The following NTNG1 variants were observed in gnomAD, a reference collection of about 807,000 sequenced individuals.
The protein encoded by NTNG1 is netrin-G1.
Under a neutral mutation model 54.0 loss-of-function variants are expected in NTNG1, and 16 were observed. The ratio of observed to expected loss-of-function variants is 0.30; its 90% CI spans 0.20 to 0.45. NTNG1 has a LOEUF of 0.45. Among genes scored for constraint, NTNG1 ranks in the 20% least tolerant of loss-of-function variants. NTNG1 has a pLI of 1.00. For synonymous variants in NTNG1, 255 were observed against 263.1 expected, an observed-to-expected ratio of 0.97 and a Z score of 0.30; for missense variants, 530 against 678.7, an observed-to-expected ratio of 0.78 and a Z score of 2.43.
chr1:107,470,270 T>C (rs756121125), intron 7 of NTNG1, among the ~76,000 whole-genome samples: 1 of 152,244 alleles, frequency 6.6e-6, no homozygotes, highest in Non-Finnish European at 1.5e-5. Context: ...ATTACCTTTA[T>C]TATCTAAGTA....
At chr1:107,187,474 T>G (rs191941951) in intron 2 of NTNG1, among the ~76,000 whole-genome samples, 250 of 152,298 alleles carry the variant, frequency 1.6e-3, no homozygotes, top group Non-Finnish European at 3.0e-3. Flanking sequence ...AGCTCTAGCA[T>G]ATCACTGAAT....
chr1:107,415,243 A>G (rs994307260), intron 5 of NTNG1, among the ~76,000 whole-genome samples: 21 of 152,262 alleles, frequency 1.4e-4, no homozygotes, highest in Non-Finnish European at 3.1e-4. Context: ...CACCCTTATA[A>G]TAATTTCTCA....
chr1:107,236,961 G>T (rs563005961), intron 2 of NTNG1, among the ~76,000 whole-genome samples: 42 of 152,262 alleles, frequency 2.8e-4, no homozygotes, highest in African/African-American at 9.1e-4. Context: ...GAAGTGGGGT[G>T]TTGCTGAAAA....
At chr1:107,314,508 G>A (rs1400297144) in intron 2 of NTNG1, among the ~76,000 whole-genome samples, 1 of 152,146 alleles carries the variant, frequency 6.6e-6, no homozygotes, top group Non-Finnish European at 1.5e-5. Context: ...ACATCCTTGG[G>A]CCTAGTAAAT....
intron 2 of NTNG1, among the ~76,000 whole-genome samples, chr1:107,222,289 A>G (rs1178747561): frequency 1.3e-5 from 2 of 152,114 alleles, no homozygotes. Context: ...GGTGAAGACT[A>G]TATAACCTAT....
intron 2 of NTNG1, among the ~76,000 whole-genome samples, chr1:107,189,770 T>C (rs926882160): frequency 2.7e-5 from 4 of 148,818 alleles, no homozygotes; most frequent in Non-Finnish European, 5.9e-5. Context: ...AAGGCCTCAA[T>C]GTCCTAAGAC....
intron 3 of NTNG1, chr1:107,330,990 A>G (rs1487856591): frequency 3.3e-5 from 5 of 152,132 alleles, no homozygotes; most frequent in African/African-American, 9.7e-5. Context: ...TTAAATTTGT[A>G]TAGCATTCAG....
intron 2 of NTNG1, among the ~76,000 whole-genome samples, chr1:107,271,070 T>G (rs951696752): frequency 1.3e-5 from 2 of 152,094 alleles, no homozygotes; most frequent in African/African-American, 4.8e-5. Context: ...TAGAAAACAA[T>G]AGACACAAAT....
intron 2 of NTNG1, among the ~76,000 whole-genome samples, chr1:107,260,271 A>G (rs1053706831): frequency 6.6e-6 from 1 of 152,184 alleles, no homozygotes; most frequent in Non-Finnish European, 1.5e-5. Flanking sequence ...ATTTTTGCCA[A>G]TACAAACTCT....
At chr1:107,184,686 C>T (rs1282483614) in intron 2 of NTNG1, among the ~76,000 whole-genome samples, 1 of 152,078 alleles carries the variant, frequency 6.6e-6, no homozygotes, top group Non-Finnish European at 1.5e-5. Flanking sequence ...CTGCCATGGA[C>T]CATCACCCTT....
intron 7 of NTNG1, among the ~76,000 whole-genome samples, chr1:107,459,319 T>G (rs1464360837): frequency 6.6e-6 from 1 of 152,196 alleles, no homozygotes; most frequent in Non-Finnish European, 1.5e-5. Context: ...TGTTTTGCTT[T>G]CCTAACATAA....
At chr1:107,403,819 A>T (rs539445520) in intron 4 of NTNG1, among the ~76,000 whole-genome samples, 2 of 152,022 alleles carry the variant, frequency 1.3e-5, no homozygotes, top group Non-Finnish European at 2.9e-5. Flanking sequence ...AAAGGGATGG[A>T]CTTGGACAAG....
intron 2 of NTNG1, among the ~76,000 whole-genome samples, chr1:107,221,460 G>C (rs1028617481): frequency 1.3e-5 from 2 of 152,134 alleles, no homozygotes; most frequent in Admixed American, 6.5e-5. Context: ...AAGGATTCAG[G>C]GTGGCTCTAT....
intron 7 of NTNG1, among the ~76,000 whole-genome samples, chr1:107,456,567 C>T (rs1439158899): frequency 2.0e-5 from 3 of 152,246 alleles, no homozygotes; most frequent in East Asian, 1.9e-4. Context: ...TAGGCCTGCT[C>T]GCTTATCAAT....
chr1:107,460,404 G>T, intron 7 of NTNG1: 1 of 518,722 alleles, frequency 1.9e-6, no homozygotes, highest in Non-Finnish European at 3.8e-6. Context: ...ATTTTACCAG[G>T]CAGGACAGAT....
At chr1:107,407,175 TTAATC>T (rs1430375270) in intron 4 of NTNG1, among the ~76,000 whole-genome samples, 1 of 152,146 alleles carries the variant, frequency 6.6e-6, no homozygotes, top group African/African-American at 2.4e-5. Context: ...TTATATGAAA[TTAATC>T]AAATAAAATG....
intron 2 of NTNG1, among the ~76,000 whole-genome samples, chr1:107,179,818 C>T (rs1656935456): frequency 6.6e-6 from 1 of 152,048 alleles, no homozygotes; most frequent in African/African-American, 2.4e-5. Context: ...CTCCATTTCC[C>T]TTAGGGTGAG....
intron 2 of NTNG1, among the ~76,000 whole-genome samples, chr1:107,187,604 G>T (rs920248168): frequency 3.9e-5 from 6 of 152,154 alleles, no homozygotes; most frequent in African/African-American, 2.4e-5. Context: ...GCTCCAAACA[G>T]ATCACATACA....
intron 2 of NTNG1, among the ~76,000 whole-genome samples, chr1:107,166,043 G>A (rs1008500834): frequency 1.3e-5 from 2 of 152,160 alleles, no homozygotes; most frequent in African/African-American, 4.8e-5. Context: ...GCTTTATAAA[G>A]TCAATAATTA....
Sources: allele counts gnomAD v4.1 joint callset (sites outside exome capture counted in the v4.1 genomes callset), GRCh38; gene constraint gnomAD v4.1.1; transcripts MANE v1.5; gene names NCBI Gene and HGNC (gene_info 2026-07-23, HGNC 2026-07-21).